GRB10: variants seen among roughly 807,000 people sequenced by gnomAD.
The protein encoded by GRB10 is growth factor receptor bound protein 10, also known as growth factor receptor-bound protein 10.
In GRB10, 20 loss-of-function variants were observed where a neutral mutation model predicts 80.9. That is an observed-to-expected ratio of 0.25 (90% CI 0.17 to 0.36). The LOEUF is 0.36. Among genes scored for constraint, GRB10 ranks in the 10% least tolerant of loss-of-function variants. The probability of loss-of-function intolerance (pLI) is 1.00; values close to 1 mark genes in which losing one functional copy is unlikely to be tolerated. For synonymous variants in GRB10, 291 were observed against 291.5 expected, an observed-to-expected ratio of 1.00 and a Z score of 0.02; for missense variants, 548 against 747.7, an observed-to-expected ratio of 0.73 and a Z score of 3.12.
At position 50,605,423 on chromosome 7, in the gene GRB10, G is replaced by C; in HGVS notation, c.1273-17C>G. On this transcript the variant is annotated splice_polypyrimidine_tract_variant and intron_variant, in intron 14 of 18. Coordinates refer to ENST00000401949, the MANE Select transcript of GRB10 (RefSeq NM_001350814.2). ...GACACTGCGCTGAAAAGGAAAGGCC[G>C]CAGTTCTTAAAATGCAGGGAAATAA... 1.3e-6 allele frequency: 2 copies of C among 1,589,660 alleles called. No individual in the cohort carries two copies. The highest frequency in any genetic ancestry group is 1.7e-6 in the Non-Finnish European group (2 of 1,157,546).
intron 7 of GRB10, among the ~76,000 whole-genome samples, chr7:50,649,695 G>A (rs368859289): frequency 1.8e-4 from 28 of 152,236 alleles, no homozygotes; most frequent in African/African-American, 5.8e-4. Context: ...CCCAGGCTGG[G>A]ACTGGAGATG....
intron 5 of GRB10, among the ~76,000 whole-genome samples, chr7:50,676,335 CGGG>C (rs3040026): frequency 0.037 from 3,426 of 93,184 alleles, 147 homozygotes; most frequent in African/African-American, 0.1. Context: ...TCCACCCCAC[CGGG>C]GGGGGGGGGG....
chr7:50,648,119 C>T (rs984322008), intron 7 of GRB10, among the ~76,000 whole-genome samples: 1 of 152,004 alleles, frequency 6.6e-6, no homozygotes, highest in African/African-American at 2.4e-5. Context: ...GAGGGAATGG[C>T]CACGGCTGTC....
chr7:50,662,494 G>C (rs73116809), intron 7 of GRB10, among the ~76,000 whole-genome samples: 59,652 of 151,754 alleles, frequency 0.39, 12,497 homozygotes, highest in East Asian at 0.55. Context: ...AGGCAGGAGG[G>C]GGGACAGACT....
intron 3 of GRB10, among the ~76,000 whole-genome samples, chr7:50,750,740 A>T (rs1159123402): frequency 6.6e-6 from 1 of 152,192 alleles, no homozygotes; most frequent in Non-Finnish European, 1.5e-5. Context: ...CAAGTCCCCA[A>T]TCTAATTATG....
intron 5 of GRB10, among the ~76,000 whole-genome samples, chr7:50,693,721 T>G (rs1200336177): frequency 6.6e-6 from 1 of 151,960 alleles, no homozygotes; most frequent in Non-Finnish European, 1.5e-5. Context: ...AACAAAGGCA[T>G]GATGAATGTG....
chr7:50,635,257 A>G (rs1488188269), intron 7 of GRB10, among the ~76,000 whole-genome samples: 9 of 152,252 alleles, frequency 5.9e-5, no homozygotes, highest in Admixed American at 5.9e-4. Flanking sequence ...ATACGTGGAA[A>G]CTAAAAAACG....
chr7:50,606,089 C>T (rs2048466262), intron 14 of GRB10, among the ~76,000 whole-genome samples: 1 of 152,162 alleles, frequency 6.6e-6, no homozygotes, highest in Admixed American at 6.5e-5. Context: ...TAAAGAGAGC[C>T]ACCTACTTAC....
chr7:50,600,489 G>A (rs769962577), intron 17 of GRB10, among the ~76,000 whole-genome samples: 4 of 151,986 alleles, frequency 2.6e-5, no homozygotes, highest in Non-Finnish European at 4.4e-5. Context: ...ATCTGGGATC[G>A]AAACAAAACC....
rs781161488 is a variant in GRB10, at chr7:50,616,254, A to G, written c.940T>C (p.Leu314=). 6.2e-7 allele frequency: 1 copy of G among 1,614,226 alleles called. No individual in the cohort carries two copies. Among genetic ancestry groups the G allele is most frequent in the Admixed American group, 1.7e-5 (1 of 60,026 alleles). ...KKSWKKLYVC[L]RRSGLYCSTK... ...GAGCAATAAAGGCCAGATCTCCGCA[A>G]ACACACATACAGCTTTTTCCATGAT... is the stretch of plus-strand genomic sequence containing the variant. Residue 314 remains leucine, a synonymous_variant, in exon 11 of 19, where the codon TTG becomes CTG. Transcript: ENST00000401949.
chr7:50,624,989 A>G (rs986650700), intron 8 of GRB10, among the ~76,000 whole-genome samples: 3 of 152,150 alleles, frequency 2.0e-5, no homozygotes, highest in Admixed American at 2.0e-4. Flanking sequence ...AAGAAGAGAA[A>G]GAAATAAGGT....
intron 7 of GRB10, among the ~76,000 whole-genome samples, chr7:50,648,128 T>C (rs1057073968): frequency 6.6e-6 from 1 of 151,910 alleles, no homozygotes; most frequent in African/African-American, 2.4e-5. Flanking sequence ...GCCACGGCTG[T>C]CCAGGGAGGG....
intron 4 of GRB10, 39 bp from the exon 5 acceptor site, chr7:50,703,947 A>T: frequency 7.1e-7 from 1 of 1,414,860 alleles, no homozygotes; most frequent in East Asian, 2.3e-5. Context: ...CTGTGAGTTC[A>T]CAAGAAGCAT....
intron 8 of GRB10, among the ~76,000 whole-genome samples, chr7:50,626,177 A>G (rs947859246): frequency 2.6e-5 from 4 of 152,236 alleles, no homozygotes; most frequent in Admixed American, 6.5e-5. Flanking sequence ...TAAAGAGTCA[A>G]TATCTTCAAA....
intron 6 of GRB10, among the ~76,000 whole-genome samples, chr7:50,672,934 A>C (rs562553084): frequency 6.6e-6 from 1 of 152,232 alleles, no homozygotes; most frequent in Non-Finnish European, 1.5e-5. Context: ...TTCAGCATCA[A>C]TGAATATGAC....
At chr7:50,783,146 C>A (rs1262460044), upstream of GRB10, among the ~76,000 whole-genome samples, 1 of 152,236 alleles carries the variant, frequency 6.6e-6, no homozygotes, top group Non-Finnish European at 1.5e-5. Context: ...ACATCGCGGC[C>A]GCGGCAAGCT....
chr7:50,627,262 C>T (rs13242124), intron 7 of GRB10, among the ~76,000 whole-genome samples: 2,266 of 152,238 alleles, frequency 0.015, 34 homozygotes, highest in Non-Finnish European at 0.021. Flanking sequence ...GCTAAACCAC[C>T]AAACCTGTCT....
chr7:50,694,829 A>T (rs1185917195), intron 5 of GRB10, among the ~76,000 whole-genome samples: 1 of 152,218 alleles, frequency 6.6e-6, no homozygotes, highest in African/African-American at 2.4e-5. Context: ...AAGAATAACT[A>T]CATTATAGGT....
At chr7:50,604,827 C>T (rs1297869288) in intron 15 of GRB10, 5 of 296,068 alleles carry the variant, frequency 1.7e-5, no homozygotes, top group African/African-American at 1.1e-4. Flanking sequence ...CTTTAAGTCT[C>T]AGGACTTAGA....
Sources: allele counts gnomAD v4.1 joint callset (sites outside exome capture counted in the v4.1 genomes callset), GRCh38; gene constraint gnomAD v4.1.1; transcripts MANE v1.5; gene names NCBI Gene and HGNC (gene_info 2026-07-23, HGNC 2026-07-21).